The following ARHGAP31 variants were observed in gnomAD, a reference collection of about 807,000 sequenced individuals.
The protein encoded by ARHGAP31 is Rho GTPase activating protein 31.
ARHGAP31 carries 34 observed loss-of-function variants against 113.9 expected under a neutral mutation model. That is an observed-to-expected ratio of 0.30 (90% CI 0.23 to 0.40). The LOEUF (loss-of-function observed/expected upper bound fraction) is 0.40. ARHGAP31 is among the 10% of genes least tolerant of loss of function. The pLI, the probability that ARHGAP31 is intolerant of heterozygous loss-of-function variation, is 1.00. For missense variants in ARHGAP31, 1,548 were observed against 1,767.1 expected, an observed-to-expected ratio of 0.88 and a Z score of 2.22; for synonymous variants, 650 against 684.8, an observed-to-expected ratio of 0.95 and a Z score of 0.79.
At chr3:119,389,100 G>T (rs1158883567) in intron 6 of ARHGAP31, among the ~76,000 whole-genome samples, 1 of 152,166 alleles carries the variant, frequency 6.6e-6, no homozygotes, top group South Asian at 2.1e-4. Context: ...GTCGGAGGTT[G>T]CAGTGAGCCG....
Position 119,418,396 on chromosome 3 carries a change from A to G in ARHGAP31, c.*2132A>G, listed in dbSNP as rs2080795787. 6.6e-6 allele frequency: 1 copy of G among 152,228 alleles called. No homozygotes were observed. The highest frequency in any genetic ancestry group is 2.4e-5 in the African/African-American group (1 of 41,452). 9.4% of individuals were successfully genotyped at this position (152,228 alleles called of 1,614,324 possible). A position where few individuals can be genotyped will look rare whatever the true frequency, so the allele number is the denominator to read the frequency against. On this transcript the variant is annotated 3_prime_UTR_variant, in exon 12 of 12. Transcript: ENST00000264245. ...AAAGTACATTCCTGCCTTATCAGAA[A>G]ATGTGTCAGACAGGTTTTATGTCAG...
At chr3:119,302,924 T>TCA (rs1447086356) in intron 1 of ARHGAP31, among the ~76,000 whole-genome samples, 3 of 152,222 alleles carry the variant, frequency 2.0e-5, no homozygotes, top group Non-Finnish European at 2.9e-5. Flanking sequence ...AAGGTGCATT[T>TCA]CACACACACG....
intron 1 of ARHGAP31, 116 bp downstream of exon 1, chr3:119,295,120 C>A: frequency 1.1e-6 from 1 of 897,346 alleles, no homozygotes; most frequent in East Asian, 2.5e-5. Context: ...CAGGCCTGTG[C>A]GCTCATTGCA....
In ARHGAP31 at chr3:119,365,312, A is replaced by G. The variant is rs1559980914; in HGVS notation, c.101-4A>G. 5 of 1,612,212 alleles carry G rather than the reference A, an allele frequency of 3.1e-6. No individual in the cohort carries two copies. Among genetic ancestry groups the G allele is most frequent in the Non-Finnish European group, 4.2e-6 (5 of 1,178,770 alleles). ...TAATTGTTTTTTTCTTTTCTTTTAC[A>G]TAGTTCCATACGTTTTGAAGAGCTG... On this transcript the variant is annotated splice_region_variant and splice_polypyrimidine_tract_variant and intron_variant, in intron 1 of 11. Coordinates refer to ENST00000264245, the MANE Select transcript of ARHGAP31 (RefSeq NM_020754.4).
At chr3:119,382,260 T>C (rs1458061670) in intron 4 of ARHGAP31, 32 bp from the exon 5 acceptor site, 1 of 1,599,858 alleles carries the variant, frequency 6.3e-7, no homozygotes, top group South Asian at 1.1e-5. Flanking sequence ...GCACTGAAGT[T>C]TCTTACTTTG....
intron 9 of ARHGAP31, among the ~76,000 whole-genome samples, chr3:119,400,931 G>T (rs1378088526): frequency 6.6e-6 from 1 of 152,140 alleles, no homozygotes; most frequent in East Asian, 1.9e-4. Context: ...AGCACTTTGG[G>T]AGGCCGAGGC....
intron 11 of ARHGAP31, among the ~76,000 whole-genome samples, chr3:119,413,079 A>C (rs1304831159): frequency 1.3e-5 from 2 of 152,070 alleles, no homozygotes; most frequent in African/African-American, 4.8e-5. Flanking sequence ...GCACTTTGGG[A>C]GGCCAAGGTG....
At chr3:119,392,907 A>G (rs751950930) in intron 7 of ARHGAP31, among the ~76,000 whole-genome samples, 4 of 152,172 alleles carry the variant, frequency 2.6e-5, no homozygotes, top group African/African-American at 4.8e-5. Context: ...CAGGAGCCCA[A>G]CAGGACCTAG....
At chr3:119,327,495 A>G (rs2079856359) in intron 1 of ARHGAP31, among the ~76,000 whole-genome samples, 2 of 152,168 alleles carry the variant, frequency 1.3e-5, no homozygotes, top group African/African-American at 4.8e-5. Context: ...CAGTGAGCCG[A>G]GATCATGCCA....
chr3:119,410,708 A>C (rs573427178), intron 11 of ARHGAP31, among the ~76,000 whole-genome samples: 3 of 152,386 alleles, frequency 2.0e-5, no homozygotes, highest in African/African-American at 7.2e-5. Flanking sequence ...GGTGGATTCA[A>C]GGGAACAAGT....
chr3:119,332,111 C>T (rs1040069702), intron 1 of ARHGAP31, among the ~76,000 whole-genome samples: 19 of 152,060 alleles, frequency 1.2e-4, no homozygotes, highest in African/African-American at 4.6e-4. Context: ...TTCTCTTTTC[C>T]AGGTTAAATC....
At chr3:119,319,297 A>AT (rs762265194) in intron 1 of ARHGAP31, among the ~76,000 whole-genome samples, 3 of 150,614 alleles carry the variant, frequency 2.0e-5, no homozygotes, top group Non-Finnish European at 4.4e-5. Context: ...AAATTTTTCT[A>AT]TTTTGTGAGC....
chr3:119,384,928 C>CTT (rs113212997), intron 6 of ARHGAP31, among the ~76,000 whole-genome samples: 214 of 141,670 alleles, frequency 1.5e-3, no homozygotes, highest in African/African-American at 4.0e-3. Context: ...TCTTTGGTGA[C>CTT]TTTTTTTTTT....
intron 8 of ARHGAP31, among the ~76,000 whole-genome samples, chr3:119,398,104 A>C (rs1306722142): frequency 3.9e-5 from 6 of 152,028 alleles, no homozygotes; most frequent in Non-Finnish European, 8.8e-5. Context: ...CTGTTTCTAA[A>C]AAATTTTTTT....
chr3:119,368,672 G>A (rs980836956), intron 3 of ARHGAP31, among the ~76,000 whole-genome samples, 156 bp downstream of exon 3: 1 of 152,224 alleles, frequency 6.6e-6, no homozygotes, highest in Admixed American at 6.5e-5. Flanking sequence ...GGAAAATAGG[G>A]TGGTGGAATT....
intron 5 of ARHGAP31, 82 bp from the exon 6 acceptor site, chr3:119,383,002 T>C: frequency 4.6e-6 from 7 of 1,528,924 alleles, no homozygotes; most frequent in Non-Finnish European, 6.3e-6. Context: ...ATGAGCCTTG[T>C]GCAAAAGGCC....
At chr3:119,394,649 A>C (rs560139318) in intron 8 of ARHGAP31, among the ~76,000 whole-genome samples, 10 of 152,072 alleles carry the variant, frequency 6.6e-5, no homozygotes, top group Admixed American at 1.3e-4. Flanking sequence ...TGGAAAAAAA[A>C]CCAAAAAAAC....
intron 3 of ARHGAP31, among the ~76,000 whole-genome samples, chr3:119,373,819 G>A (rs946701079): frequency 2.6e-5 from 4 of 152,114 alleles, no homozygotes; most frequent in Non-Finnish European, 5.9e-5. Context: ...GGACGTCCCC[G>A]AAAGTCATAT....
intron 1 of ARHGAP31, among the ~76,000 whole-genome samples, chr3:119,353,450 A>T (rs1330625330): frequency 6.6e-6 from 1 of 152,210 alleles, no homozygotes; most frequent in Non-Finnish European, 1.5e-5. Flanking sequence ...CAAAACAGAG[A>T]TAAATACCTC....
Sources: allele counts gnomAD v4.1 joint callset (sites outside exome capture counted in the v4.1 genomes callset), GRCh38; gene constraint gnomAD v4.1.1; transcripts MANE v1.5; gene names NCBI Gene and HGNC (gene_info 2026-07-23, HGNC 2026-07-21).